SH3BGR: variants seen among roughly 807,000 people sequenced by gnomAD.
The protein encoded by SH3BGR is SH3 domain binding glutamate rich protein.
A neutral mutation model predicts 24.5 loss-of-function variants in SH3BGR; 29 were observed. The observed-to-expected ratio is 1.18, with a 90% CI of 0.88 to 1.61. The LOEUF is 1.61. Ranked by LOEUF, SH3BGR falls within the 40% of genes most tolerant of loss-of-function variation. The pLI, the probability that SH3BGR is intolerant of heterozygous loss-of-function variation, is 0.00. For synonymous variants in SH3BGR, 55 were observed against 65.7 expected (o/e 0.84, Z 0.79); for missense variants, 162 against 205.8 (o/e 0.79, Z 1.30).
chr21:39,512,717 G>C (rs968473169), intron 6 of SH3BGR, among the ~76,000 whole-genome samples: 1 of 152,024 alleles, frequency 6.6e-6, no homozygotes, highest in South Asian at 2.1e-4. Context: ...ACTTGAACCC[G>C]GGAGGCAGAG....
upstream of SH3BGR, among the ~76,000 whole-genome samples, chr21:39,447,717 C>G (rs1327387024): frequency 3.9e-5 from 6 of 152,112 alleles, no homozygotes; most frequent in Admixed American, 2.0e-4. Flanking sequence ...CCGTGCCTGG[C>G]CTTTGCTTTT....
At chr21:39,467,503 C>T (rs1369260051) in intron 2 of SH3BGR, among the ~76,000 whole-genome samples, 1 of 152,034 alleles carries the variant, frequency 6.6e-6, no homozygotes, top group East Asian at 1.9e-4. Context: ...AAAGTATATT[C>T]ATGAAGAAGA....
intron 3 of SH3BGR, among the ~76,000 whole-genome samples, chr21:39,485,350 G>A (rs960409966): frequency 2.6e-5 from 4 of 152,130 alleles, no homozygotes; most frequent in Non-Finnish European, 4.4e-5. Context: ...GAACTCCAGA[G>A]GAATCGGGCA....
At chr21:39,475,067 C>G (rs1409854622) in intron 2 of SH3BGR, 68 bp from the exon 3 acceptor site, 23 of 951,760 alleles carry the variant, frequency 2.4e-5, no homozygotes, top group Non-Finnish European at 3.6e-5. Flanking sequence ...TACAAAAGAT[C>G]AGTTTCCGTA....
At chr21:39,505,511 C>G (rs1191600424) in intron 4 of SH3BGR, among the ~76,000 whole-genome samples, 9 of 152,046 alleles carry the variant, frequency 5.9e-5, no homozygotes, top group Non-Finnish European at 1.0e-4. Flanking sequence ...ACCTGTATTC[C>G]CAGCACTTCG....
upstream of SH3BGR, among the ~76,000 whole-genome samples, chr21:39,449,213 A>G (rs994284590): frequency 4.6e-5 from 7 of 152,222 alleles, no homozygotes; most frequent in Admixed American, 6.5e-5. Flanking sequence ...GTATGTATGT[A>G]AGGCTGACTC....
In SH3BGR at chr21:39,499,862, CAAA is replaced by C. The variant is rs1250401420; in HGVS notation, c.355_357del (p.Lys119del). 6.2e-7 allele frequency: 1 copy of C among 1,613,360 alleles called. No homozygotes were observed. Among genetic ancestry groups the C allele is most frequent in the Non-Finnish European group, 8.5e-7 (1 of 1,179,762 alleles). ...TGAAGAAGGTGGAGAAACTGAGGCA[CAAA>C]AAGAGGGCAGTGAAGATGTGGGCAA... On this transcript the variant is annotated inframe_deletion, in exon 4 of 7. Transcript: ENST00000333634.
chr21:39,463,012 T>C (rs1248243837), intron 2 of SH3BGR, among the ~76,000 whole-genome samples: 1 of 152,142 alleles, frequency 6.6e-6, no homozygotes, highest in Non-Finnish European at 1.5e-5. Context: ...GCCTCTTGAG[T>C]AGCTGGGACT....
At chr21:39,513,115 C>T (rs183980054) in intron 6 of SH3BGR, among the ~76,000 whole-genome samples, 1 of 152,230 alleles carries the variant, frequency 6.6e-6, no homozygotes, top group Admixed American at 6.5e-5. Flanking sequence ...AATATGCACT[C>T]ATTATTCTCT....
At chr21:39,463,503 A>C (rs1372495885) in intron 2 of SH3BGR, among the ~76,000 whole-genome samples, 1 of 152,218 alleles carries the variant, frequency 6.6e-6, no homozygotes, top group Admixed American at 6.5e-5. Context: ...AGCTGTGTGA[A>C]GTAGAGGGAA....
At chr21:39,462,052 T>C (rs945322096) in intron 1 of SH3BGR, among the ~76,000 whole-genome samples, 2 of 152,070 alleles carry the variant, frequency 1.3e-5, no homozygotes, top group Admixed American at 6.6e-5. Flanking sequence ...TTTCACCACG[T>C]TGGTCAAGCT....
At chr21:39,462,622 C>G in intron 2 of SH3BGR, 62 bp downstream of exon 2, 1 of 1,244,630 alleles carries the variant, frequency 8.0e-7, no homozygotes, top group Non-Finnish European at 1.1e-6. Context: ...TTTTCTAAAG[C>G]AGATTAAGTT....
chr21:39,511,787 C>T lies in SH3BGR; in HGVS notation c.*12C>T, dbSNP rs1005904898. On this transcript the variant is annotated 3_prime_UTR_variant, in exon 6 of 7. Coordinates refer to ENST00000333634, the MANE Select transcript of SH3BGR (RefSeq NM_007341.3). This position sits in a 1 kb window ranked among gnomAD's most constrained non-coding sequence, Gnocchi z 4.2. Reference sequence around the variant, plus strand: ...ACGAAGATTCCTAGGCCTTTTCATGCTTCATTTCTTCCACTTCTCCAGGTA... The same window carrying T: ...ACGAAGATTCCTAGGCCTTTTCATGTTTCATTTCTTCCACTTCTCCAGGTA... The T allele has an allele frequency of 6.2e-7, 1 of 1,607,616 alleles. No homozygotes were observed. The highest frequency in any genetic ancestry group is 1.3e-5 in the African/African-American group (1 of 74,556).
intron 3 of SH3BGR, among the ~76,000 whole-genome samples, chr21:39,494,225 TTCTTCC>T (rs10540223): frequency 0.016 from 2,169 of 132,184 alleles, 24 homozygotes; most frequent in African/African-American, 0.029. Flanking sequence ...TTGAACAGTC[TTCTTCC>T]TCTTCTTCTT....
intron 4 of SH3BGR, among the ~76,000 whole-genome samples, chr21:39,506,754 G>T (rs929441798): frequency 1.3e-5 from 2 of 152,152 alleles, no homozygotes; most frequent in African/African-American, 4.8e-5. Context: ...GTGAGATTTG[G>T]GTGGGTACAC....
intron 4 of SH3BGR, among the ~76,000 whole-genome samples, chr21:39,501,463 TA>T (rs1243032134): frequency 6.6e-6 from 1 of 152,212 alleles, no homozygotes; most frequent in Non-Finnish European, 1.5e-5. Flanking sequence ...TGGTAGGAAT[TA>T]AAAAAACCAT....
intron 3 of SH3BGR, among the ~76,000 whole-genome samples, chr21:39,480,789 G>A (rs970002012): frequency 2.0e-5 from 3 of 152,156 alleles, no homozygotes; most frequent in Admixed American, 2.0e-4. Flanking sequence ...AAATTACCAG[G>A]GGAGAGGCCC....
chr21:39,456,384 G>A (rs974154319), intron 1 of SH3BGR, among the ~76,000 whole-genome samples: 2 of 152,246 alleles, frequency 1.3e-5, no homozygotes, highest in Admixed American at 1.3e-4. Context: ...AAGGGAATAA[G>A]TGCTTTATAA....
In SH3BGR at chr21:39,511,419, T is replaced by G. The variant is rs1011925763; in HGVS notation, c.436-261T>G. Among the ~76,000 whole-genome samples, 8 of 149,342 alleles carry G rather than the reference T, an allele frequency of 5.4e-5. No individual in the cohort carries two copies. The highest frequency in any genetic ancestry group is 1.7e-4 in the African/African-American group (7 of 40,496). ...CGTGGATGTGTGTCTGGGTGGTGTG[T>G]GGGGGGGTGTGTGTGCTGTGTGTCA... On this transcript the variant is annotated intron_variant, in intron 5 of 6. Coordinates refer to ENST00000333634, the MANE Select transcript of SH3BGR (RefSeq NM_007341.3). This position sits in a 1 kb window ranked among gnomAD's most constrained non-coding sequence, Gnocchi z 4.2.
Sources: gnomAD v4.1 joint callset for allele counts (sites outside exome capture counted in the v4.1 genomes callset) on GRCh38, gnomAD v4.1.1 for gene constraint, Gnocchi (gnomAD v3.1) non-coding constraint, MANE v1.5 for transcripts, NCBI Gene and HGNC (gene_info 2026-07-23, HGNC 2026-07-21) for gene names.